EPB41L1: variants seen among roughly 807,000 people sequenced by gnomAD.
EPB41L1 encodes the protein erythrocyte membrane protein band 4.1 like 1.
Under a neutral mutation model 97.8 loss-of-function variants are expected in EPB41L1, and 29 were observed. The observed-to-expected ratio is 0.30, with a 90% CI of 0.22 to 0.40. The LOEUF (loss-of-function observed/expected upper bound fraction) is 0.40. EPB41L1 is among the 10% of genes least tolerant of loss of function. The probability of loss-of-function intolerance (pLI) is 1.00; values close to 1 mark genes in which losing one functional copy is unlikely to be tolerated. For synonymous variants in EPB41L1, 383 were observed against 459.2 expected (o/e 0.83, Z 2.12); for missense variants, 812 against 1,162.3 (o/e 0.70, Z 4.38).
chr20:36,207,780 G>A lies in EPB41L1; in HGVS notation c.1669-1708G>A. ...CGCTGGCAGAAGCTACTGGAACTGG[G>A]GTAACTGGCCGCGTGAGCCCCCGCC... On this transcript the variant is annotated intron_variant, in intron 14 of 21. Transcript: ENST00000338074. This position sits in a 1 kb window ranked among gnomAD's most constrained non-coding sequence, Gnocchi z 4.9. The A allele has an allele frequency of 7.8e-7, 1 of 1,287,790 alleles. No homozygotes were observed. Among genetic ancestry groups the A allele is most frequent in the Middle Eastern group, 2.1e-4 (1 of 4,690 alleles). 79.8% of individuals were successfully genotyped at this position (1,287,790 alleles called of 1,614,324 possible).
intron 16 of EPB41L1, among the ~76,000 whole-genome samples, chr20:36,213,602 C>A (rs886765398): frequency 6.6e-6 from 1 of 152,062 alleles, no homozygotes; most frequent in African/African-American, 2.4e-5. Flanking sequence ...TTTAGTAACA[C>A]GTGTTTCTGT....
intron 1 of EPB41L1, among the ~76,000 whole-genome samples, chr20:36,164,478 A>C (rs1007118099): frequency 2.0e-5 from 3 of 152,086 alleles, no homozygotes; most frequent in African/African-American, 2.4e-5. Context: ...TTCCAAGAAC[A>C]CCTGGGCAAC....
upstream of EPB41L1, chr20:36,153,061 G>C (rs545448843): frequency 2.2e-6 from 1 of 456,744 alleles, no homozygotes; most frequent in East Asian, 6.9e-5. Context: ...GGGAGTGAAG[G>C]CACCGGAAGC....
At chr20:36,154,610 C>T (rs2060203655), upstream of EPB41L1, 1 of 881,220 alleles carries the variant, frequency 1.1e-6, no homozygotes, top group Non-Finnish European at 1.4e-6. This position sits in a 1 kb window ranked among gnomAD's most constrained non-coding sequence, Gnocchi z 5.5. Flanking sequence ...CGGCGGCCGC[C>T]CCTGGGCTGG....
At chr20:36,124,177 C>CA (rs2058866738) in intron 2 of EPB41L1, among the ~76,000 whole-genome samples, 1 of 152,158 alleles carries the variant, frequency 6.6e-6, no homozygotes, top group Non-Finnish European at 1.5e-5. Context: ...ATGGTGTGAA[C>CA]CCGGGATGCA....
chr20:36,112,991 C>T (rs2058457742), intron 2 of EPB41L1, among the ~76,000 whole-genome samples: 1 of 152,218 alleles, frequency 6.6e-6, no homozygotes, highest in Non-Finnish European at 1.5e-5. Flanking sequence ...AACTTTCCAG[C>T]AGGGAACTCT....
chr20:36,186,668 G>A (rs963674344), intron 7 of EPB41L1, among the ~76,000 whole-genome samples: 1 of 152,148 alleles, frequency 6.6e-6, no homozygotes, highest in Non-Finnish European at 1.5e-5. Context: ...CCATCTATTT[G>A]TCATCCCTGT....
chr20:36,116,567 G>A (rs1209578237), intron 2 of EPB41L1, among the ~76,000 whole-genome samples: 1 of 152,154 alleles, frequency 6.6e-6, no homozygotes, highest in Non-Finnish European at 1.5e-5. Flanking sequence ...CTTCCTGGTG[G>A]TGAATGGCAG....
intron 2 of EPB41L1, among the ~76,000 whole-genome samples, chr20:36,135,217 G>A (rs1028000822): frequency 2.0e-5 from 3 of 152,012 alleles, no homozygotes; most frequent in African/African-American, 7.2e-5. Context: ...GAAATATTAC[G>A]TTTACTTCTC....
In EPB41L1 at chr20:36,190,346, G is replaced by T; in HGVS notation, c.1096G>T (p.Val366Phe). The T allele has an allele frequency of 6.2e-7, 1 of 1,614,190 alleles. No homozygotes were observed. The highest frequency in any genetic ancestry group is 8.5e-7 in the Non-Finnish European group (1 of 1,180,028). Reference sequence around the variant, plus strand: ...CCGGTCAGCCAAGAGACTGTGGAAGGTCTGCATCGAGCATCATACATTCTT... The same window carrying T: ...CCGGTCAGCCAAGAGACTGTGGAAGTTCTGCATCGAGCATCATACATTCTT... Reference protein sequence around the residue: ...NHRSAKRLWKVCIEHHTFFRL... With the variant: ...NHRSAKRLWKFCIEHHTFFRL... The change falls in exon 10 of 22, where the codon GTC becomes TTC. Residue 366 changes from valine (V) to phenylalanine (F), a missense_variant. Transcript: ENST00000338074. The surrounding 1 kb of genome is among the most constrained non-coding windows in gnomAD (Gnocchi z 5.8).
At chr20:36,186,052 T>A (rs1227196874) in intron 7 of EPB41L1, among the ~76,000 whole-genome samples, 1 of 152,214 alleles carries the variant, frequency 6.6e-6, no homozygotes, top group Non-Finnish European at 1.5e-5. Context: ...ATTATCAGTG[T>A]CTCTCAACTA....
At chr20:36,216,098 G>A (rs2063426252) in intron 17 of EPB41L1, among the ~76,000 whole-genome samples, 1 of 152,230 alleles carries the variant, frequency 6.6e-6, no homozygotes, top group Non-Finnish European at 1.5e-5. Flanking sequence ...GCCTGAAGAT[G>A]TGAGCTGCAG....
In EPB41L1 at chr20:36,212,178, G is replaced by A. The variant is rs999354612; in HGVS notation, c.2080-94G>A. ...AGAGATGTGGCCAGCTGTGGGGATA[G>A]GAGATAGCCTGCAGACACCACACTG... On this transcript the variant is annotated intron_variant, in intron 15 of 21. Transcript: ENST00000338074. This position sits in a 1 kb window ranked among gnomAD's most constrained non-coding sequence, Gnocchi z 4.8. The A allele has an allele frequency of 1.7e-6, 2 of 1,176,132 alleles. No homozygotes were observed. Among genetic ancestry groups the A allele is most frequent in the South Asian group, 1.2e-5 (1 of 80,788 alleles). 72.9% of individuals were successfully genotyped at this position (1,176,132 alleles called of 1,614,324 possible).
intron 2 of EPB41L1, chr20:36,113,665 T>A (rs2058493923): frequency 6.6e-6 from 1 of 152,490 alleles, no homozygotes; most frequent in Non-Finnish European, 1.5e-5. Context: ...GCAGGAAGCA[T>A]CGGGAACAAG....
At chr20:36,130,732 A>T (rs1452097585) in intron 2 of EPB41L1, among the ~76,000 whole-genome samples, 1 of 151,602 alleles carries the variant, frequency 6.6e-6, no homozygotes, top group African/African-American at 2.4e-5. Context: ...ATCCAGGGTG[A>T]ATGGCAGGAA....
At chr20:36,103,680 TATTACC>T (rs1251980063) in intron 1 of EPB41L1, among the ~76,000 whole-genome samples, 1 of 151,942 alleles carries the variant, frequency 6.6e-6, no homozygotes, top group Admixed American at 6.6e-5. Flanking sequence ...GGTTAATAGT[TATTACC>T]ATTGTTTCTT....
At chr20:36,146,216 G>A (rs898483677) in intron 2 of EPB41L1, among the ~76,000 whole-genome samples, 6 of 152,168 alleles carry the variant, frequency 3.9e-5, no homozygotes, top group Non-Finnish European at 2.9e-5. Context: ...ACTGTTTTCT[G>A]TAGAGAGCTC....
chr20:36,196,126 A>C (rs1049946898), intron 13 of EPB41L1, among the ~76,000 whole-genome samples: 4 of 152,168 alleles, frequency 2.6e-5, no homozygotes, highest in Non-Finnish European at 5.9e-5. Flanking sequence ...TGGGCTGCCA[A>C]GGTAAAGGGC....
chr20:36,182,714 A>C (rs2061520831), intron 6 of EPB41L1, among the ~76,000 whole-genome samples: 2 of 152,160 alleles, frequency 1.3e-5, no homozygotes, highest in Admixed American at 6.5e-5. Context: ...AAGAATAAAA[A>C]CCACAGTTCT....
Sources: gnomAD v4.1 joint callset for allele counts (sites outside exome capture counted in the v4.1 genomes callset) on GRCh38, gnomAD v4.1.1 for gene constraint, Gnocchi (gnomAD v3.1) non-coding constraint, MANE v1.5 for transcripts, NCBI Gene and HGNC (gene_info 2026-07-23, HGNC 2026-07-21) for gene names.